Variants in MAP3K13 observed in about 807,000 individuals in gnomAD.
The protein encoded by MAP3K13 is leucine zipper-bearing kinase.
In MAP3K13, 52 loss-of-function variants were observed where a neutral mutation model predicts 104.0. The observed-to-expected ratio is 0.50, with a 90% confidence interval of 0.40 to 0.63. The LOEUF is 0.63. Ranked by LOEUF, MAP3K13 falls within the 20% of genes least tolerant of loss-of-function variation. The pLI, the probability that MAP3K13 is intolerant of heterozygous loss-of-function variation, is 0.00. For synonymous variants in MAP3K13, 394 were observed against 442.2 expected (o/e 0.89, Z 1.37); for missense variants, 914 against 1,218.5 (o/e 0.75, Z 3.72).
At chr3:185,361,178 T>TTATA (rs558377440), upstream of MAP3K13, among the ~76,000 whole-genome samples, 3 of 149,662 alleles carry the variant, frequency 2.0e-5, no homozygotes, top group Middle Eastern at 3.5e-3. Flanking sequence ...TGTGTATATA[T>TTATA]TATATATATA....
At chr3:185,395,575 G>A (rs1185186538) in intron 1 of MAP3K13, among the ~76,000 whole-genome samples, 1 of 149,620 alleles carries the variant, frequency 6.7e-6, no homozygotes, top group African/African-American at 2.5e-5. Context: ...AGCCGGGATG[G>A]TCTCGATCTC....
intron 2 of MAP3K13, among the ~76,000 whole-genome samples, chr3:185,309,943 AC>A (rs1401003036): frequency 6.6e-6 from 1 of 152,174 alleles, no homozygotes; most frequent in African/African-American, 2.4e-5. Flanking sequence ...GGCCTAGCTA[AC>A]ACTGAGATAT....
At position 185,395,360 on chromosome 3, in the gene MAP3K13, T is replaced by TTTTTTTTTTC. The variant is rs1560083119; in HGVS notation, c.-86+32001_-86+32002insCTTTTTTTTT. Reference sequence around the variant, plus strand: ...CATTTCTAATTCAATATTATTTCTTTTTTTTTTTTTTTTTTTGAGACGGAG... The same window carrying TTTTTTTTTTC: ...CATTTCTAATTCAATATTATTTCTTTTTTTTTTTTCTTTTTTTTTTTTTTTTGAGACGGAG... On this transcript the variant is annotated intron_variant, in intron 1 of 13. Transcript: ENST00000265026. Among the ~76,000 whole-genome samples the TTTTTTTTTTC allele has an allele frequency of 1.2e-4, 7 of 56,980 alleles. No homozygotes were observed. In the East Asian group the frequency reaches 3.5e-3, roughly 29 times the overall value. The allele number at this position is 56,980 out of a possible 152,430, so 37.4% of individuals were successfully genotyped here. A position where few individuals can be genotyped will look rare whatever the true frequency, so the allele number is the denominator to read the frequency against.
At chr3:185,396,875 T>C (rs1712455775) in intron 1 of MAP3K13, among the ~76,000 whole-genome samples, 1 of 152,178 alleles carries the variant, frequency 6.6e-6, no homozygotes, top group Non-Finnish European at 1.5e-5. Context: ...GTGTTGTGTT[T>C]GCAGTTATTT....
intron 1 of MAP3K13, among the ~76,000 whole-genome samples, chr3:185,412,304 A>G (rs1359323635): frequency 6.6e-6 from 1 of 152,060 alleles, no homozygotes; most frequent in Non-Finnish European, 1.5e-5. Context: ...ACTGTCTTAT[A>G]TATTTATCAT....
chr3:185,295,140 G>A (rs781393526), intron 2 of MAP3K13, among the ~76,000 whole-genome samples: 2 of 152,006 alleles, frequency 1.3e-5, no homozygotes, highest in Admixed American at 1.3e-4. Flanking sequence ...AAGCCATAAT[G>A]GTCTTCCAAT....
chr3:185,395,676 T>G (rs1013640964), intron 1 of MAP3K13, among the ~76,000 whole-genome samples: 22 of 138,808 alleles, frequency 1.6e-4, no homozygotes, highest in Non-Finnish European at 3.1e-4. Context: ...TATTTCTAAT[T>G]CATCTTTTAT....
At chr3:185,451,686 G>C (rs1417965803) in intron 7 of MAP3K13, among the ~76,000 whole-genome samples, 3 of 152,022 alleles carry the variant, frequency 2.0e-5, no homozygotes, top group Admixed American at 1.3e-4. Context: ...GGCCAACATG[G>C]AGAAACCCCC....
At chr3:185,443,955 A>T (rs1257601527) in intron 4 of MAP3K13, among the ~76,000 whole-genome samples, 1 of 152,230 alleles carries the variant, frequency 6.6e-6, no homozygotes, top group Non-Finnish European at 1.5e-5. Flanking sequence ...TCCCGCTAGA[A>T]GGCTTGATTT....
In MAP3K13 at chr3:185,423,765, C is replaced by A. The variant is rs1714263746; in HGVS notation, c.-85-4732C>A. On this transcript the variant is annotated intron_variant, in intron 1 of 13. Transcript: ENST00000265026. The surrounding 1 kb of genome is among the most constrained non-coding windows in gnomAD (Gnocchi z 4.1). The stretch of plus-strand genomic sequence containing the variant: ...TGCACTGTATCGTAAGCTTTCAGAG[C>A]CCACGTGTGGCAGCAGGAGTTACCC... 2.0e-5 allele frequency among the ~76,000 whole-genome samples: 3 copies of A among 152,162 alleles called. No homozygotes were observed. The highest frequency in any genetic ancestry group is 2.0e-4 in the Admixed American group (3 of 15,278).
rs752003302 is a variant in MAP3K13 at position 185,455,171 on chromosome 3, G to GATATATATGAGAT, written c.1278+3786_1278+3787insGATATATATATGA. Reference sequence around the variant, plus strand: ...TGTGAGATATATATGATATATATGAGATATATATGATATATATGAGATATA... The same window carrying GATATATATGAGAT: ...TGTGAGATATATATGATATATATGAGATATATATGAGATATATATATGATATATATGAGATATA... On this transcript the variant is annotated intron_variant, in intron 7 of 13. Transcript: ENST00000265026. Among the ~76,000 whole-genome samples, 8 of 28,102 alleles carry GATATATATGAGAT rather than the reference G, an allele frequency of 2.8e-4. 2 individuals are homozygous for GATATATATGAGAT. The highest frequency in any genetic ancestry group is 8.1e-4 in the African/African-American group (8 of 9,924). The allele number at this position is 28,102 out of a possible 152,430, so 18.4% of individuals were successfully genotyped here.
At chr3:185,414,308 G>T (rs772682497) in intron 1 of MAP3K13, among the ~76,000 whole-genome samples, 1 of 152,198 alleles carries the variant, frequency 6.6e-6, no homozygotes, top group Non-Finnish European at 1.5e-5. Context: ...TGAGTGTAAA[G>T]TCTTCTCATC....
intron 2 of MAP3K13, among the ~76,000 whole-genome samples, chr3:185,347,965 T>C (rs1256605342): frequency 6.7e-6 from 1 of 149,674 alleles, no homozygotes; most frequent in Admixed American, 6.7e-5. Context: ...TGAGCCGAGA[T>C]TGCATCATTG....
At chr3:185,367,544 G>T (rs1303856321) in intron 1 of MAP3K13, among the ~76,000 whole-genome samples, 1 of 152,066 alleles carries the variant, frequency 6.6e-6, no homozygotes, top group African/African-American at 2.4e-5. Context: ...GGAAGTTAAT[G>T]AAATATGTTA....
At chr3:185,352,671 A>G (rs944522235) in intron 2 of MAP3K13, among the ~76,000 whole-genome samples, 1 of 152,214 alleles carries the variant, frequency 6.6e-6, no homozygotes, top group African/African-American at 2.4e-5. Context: ...ATACACCAGC[A>G]TATGTTATCT....
At chr3:185,316,390 C>T (rs1480765252) in intron 2 of MAP3K13, among the ~76,000 whole-genome samples, 1 of 152,124 alleles carries the variant, frequency 6.6e-6, no homozygotes, top group Non-Finnish European at 1.5e-5. Context: ...CCATTAATCC[C>T]AACACTTTGG....
rs563177402 is a variant in MAP3K13 at position 185,336,588 on chromosome 3, G to T, written c.-86+50945G>T. Among the ~76,000 whole-genome samples the T allele has an allele frequency of 4.2e-4, 41 of 96,818 alleles. 1 individual carries two copies. The highest frequency in any genetic ancestry group is 1.3e-3 in the African/African-American group (32 of 24,580). The allele number at this position is 96,818 out of a possible 152,430, so 63.5% of individuals were successfully genotyped here. On this transcript the variant is annotated intron_variant, in intron 2 of 14. Coordinates refer to the MAP3K13 transcript ENST00000424227. The stretch of plus-strand genomic sequence containing the variant: ...GAAAGTTTAAGGAATAATATTTCTG[G>T]ATTGTATTTTTAAAATTGAACTACT...
rs1186831664 is a variant in MAP3K13 at position 185,455,127 on chromosome 3, G to GAT, written c.1278+3741_1278+3742dup. ...TGTGAGATATATGAGATATATGTGA[G>GAT]ATATATATATGATATATATGTGAGA... On this transcript the variant is annotated intron_variant, in intron 7 of 13. Coordinates refer to ENST00000265026, the MANE Select transcript of MAP3K13 (RefSeq NM_004721.5). Among the ~76,000 whole-genome samples the GAT allele has an allele frequency of 2.2e-4, 24 of 110,536 alleles. 2 individuals carry two copies. Among genetic ancestry groups the GAT allele is most frequent in the Non-Finnish European group, 3.6e-4 (20 of 56,302 alleles). 72.5% of individuals were successfully genotyped at this position (110,536 alleles called of 152,430 possible).
chr3:185,434,483 A>G (rs925111333), intron 2 of MAP3K13, among the ~76,000 whole-genome samples: 11 of 152,236 alleles, frequency 7.2e-5, no homozygotes. Flanking sequence ...TCCTGGAGCC[A>G]GGAAACTGTC....
Sources: allele counts gnomAD v4.1 joint callset (sites outside exome capture counted in the v4.1 genomes callset), GRCh38; gene constraint gnomAD v4.1.1; non-coding constraint Gnocchi (gnomAD v3.1); transcripts MANE v1.5; gene names NCBI Gene and HGNC (gene_info 2026-07-23, HGNC 2026-07-21).